C7orf78: variants seen among roughly 807,000 people sequenced by gnomAD.
C7orf78 encodes the protein putative uncharacterized protein C7orf78.
the C7orf78 span, among the ~76,000 whole-genome samples, chr7:12,494,953 C>T: frequency 6.6e-6 from 1 of 152,324 alleles, no homozygotes; most frequent in African/African-American, 2.4e-5. Flanking sequence ...AACACCTCCA[C>T]GCACAGTTGA....
At chr7:12,519,435 C>G in the C7orf78 span, among the ~76,000 whole-genome samples, 2 of 152,196 alleles carry the variant, frequency 1.3e-5, no homozygotes, top group Non-Finnish European at 2.9e-5. Flanking sequence ...ACAGAGTCCA[C>G]TCTGCCAGCA....
chr7:12,538,824 C>T, the C7orf78 span, among the ~76,000 whole-genome samples: 2 of 152,118 alleles, frequency 1.3e-5, no homozygotes, highest in Non-Finnish European at 2.9e-5. Context: ...CCCATTTTTA[C>T]ATTTCTAGAT....
the C7orf78 span, among the ~76,000 whole-genome samples, chr7:12,500,418 A>C: frequency 6.6e-6 from 1 of 150,464 alleles, no homozygotes; most frequent in East Asian, 2.0e-4. Flanking sequence ...ATCCCACAGA[A>C]ATACAAACTA....
the C7orf78 span, among the ~76,000 whole-genome samples, chr7:12,500,275 A>G: frequency 1.3e-5 from 2 of 152,112 alleles, no homozygotes; most frequent in African/African-American, 2.4e-5. Context: ...CCTTCAAAAA[A>G]TTAATGAATC....
the C7orf78 span, chr7:12,491,739 G>C: frequency 5.9e-5 from 9 of 152,148 alleles, no homozygotes; most frequent in South Asian, 2.1e-4. Flanking sequence ...ATGCAACATG[G>C]ATCTCATGGC....
chr7:12,531,318 T>G, the C7orf78 span, among the ~76,000 whole-genome samples: 1 of 152,312 alleles, frequency 6.6e-6, no homozygotes, highest in East Asian at 1.9e-4. Flanking sequence ...TGCAACCTGT[T>G]TCCTACGTGC....
At chr7:12,541,990 G>T in the C7orf78 span, 3 of 152,154 alleles carry the variant, frequency 2.0e-5, no homozygotes, top group East Asian at 5.8e-4. Flanking sequence ...CTAAATTTTT[G>T]TTTAAATATT....
the C7orf78 span, among the ~76,000 whole-genome samples, chr7:12,539,268 T>C: frequency 1.3e-5 from 2 of 152,014 alleles, no homozygotes; most frequent in African/African-American, 4.8e-5. Flanking sequence ...GTCAAGACCA[T>C]CCTGGCTAAC....
the C7orf78 span, among the ~76,000 whole-genome samples, chr7:12,511,918 ATTTTTTTTTTTT>A: frequency 2.9e-4 from 23 of 80,564 alleles, no homozygotes; most frequent in African/African-American, 6.6e-4. Context: ...CACCTGGCTA[ATTTTTTTTTTTT>A]TTTTTTTTTT....
At chr7:12,498,271 C>T in the C7orf78 span, among the ~76,000 whole-genome samples, 14 of 151,946 alleles carry the variant, frequency 9.2e-5, no homozygotes, top group South Asian at 2.1e-4. Context: ...AGGCTTCGGA[C>T]GATCAAATTA....
At chr7:12,520,424 G>A in the C7orf78 span, among the ~76,000 whole-genome samples, 9 of 152,152 alleles carry the variant, frequency 5.9e-5, no homozygotes, top group African/African-American at 2.2e-4. Context: ...CATAGGTTTT[G>A]GTGTGTTGTA....
chr7:12,516,705 C>G, the C7orf78 span, among the ~76,000 whole-genome samples: 1 of 152,188 alleles, frequency 6.6e-6, no homozygotes, highest in Non-Finnish European at 1.5e-5. Context: ...TCAGCATGAC[C>G]TGGATGTGAG....
At chr7:12,524,081 A>T in the C7orf78 span, among the ~76,000 whole-genome samples, 1 of 152,164 alleles carries the variant, frequency 6.6e-6, no homozygotes, top group East Asian at 1.9e-4. Context: ...ATAGTGAGAT[A>T]AAAGAATAAG....
chr7:12,515,767 A>G, the C7orf78 span, among the ~76,000 whole-genome samples: 1 of 152,170 alleles, frequency 6.6e-6, no homozygotes, highest in Non-Finnish European at 1.5e-5. Flanking sequence ...GTTTTAGCAA[A>G]GAGACGGGTG....
chr7:12,505,205 G>A, the C7orf78 span, among the ~76,000 whole-genome samples: 5 of 152,012 alleles, frequency 3.3e-5, no homozygotes, highest in African/African-American at 9.6e-5. Context: ...TTCAAAAGGC[G>A]AATATAATTT....
At chr7:12,511,380 T>A in the C7orf78 span, among the ~76,000 whole-genome samples, 1 of 152,204 alleles carries the variant, frequency 6.6e-6, no homozygotes, top group Non-Finnish European at 1.5e-5. Flanking sequence ...CTTTTATGGT[T>A]ATGAAAGATT....
At chr7:12,491,615 A>G in the C7orf78 span, 31,714 of 152,042 alleles carry the variant, frequency 0.21, 3,490 homozygotes, top group Middle Eastern at 0.31. Flanking sequence ...TAAAACAAAG[A>G]TAAAGAAAAT....
chr7:12,526,456 GACA>G, the C7orf78 span, among the ~76,000 whole-genome samples: 1 of 152,044 alleles, frequency 6.6e-6, no homozygotes, highest in African/African-American at 2.4e-5. Flanking sequence ...GATTAGGAGG[GACA>G]ATATCTGAAT....
chr7:12,502,386 G>GA, the C7orf78 span, among the ~76,000 whole-genome samples: 10 of 150,150 alleles, frequency 6.7e-5, no homozygotes, highest in Admixed American at 2.6e-4. Context: ...AAATTTACAA[G>GA]AAAAAAACAA....
Sources: allele counts gnomAD v4.1 joint callset (sites outside exome capture counted in the v4.1 genomes callset), GRCh38; gene constraint gnomAD v4.1.1; transcripts MANE v1.5; gene names NCBI Gene and HGNC (gene_info 2026-07-23, HGNC 2026-07-21).